GCGR: variants seen among roughly 807,000 people sequenced by gnomAD.
GCGR encodes glucagon receptor.
GCGR carries 41 observed loss-of-function variants against 56.1 expected under a neutral mutation model. That is an observed-to-expected ratio of 0.73 (90% CI 0.57 to 0.95). GCGR has a LOEUF of 0.95. Ranked by LOEUF, GCGR falls within the 40% of genes least tolerant of loss-of-function variation. The pLI, the probability that GCGR is intolerant of heterozygous loss-of-function variation, is 0.00. For synonymous variants in GCGR, 278 were observed against 271.1 expected (o/e 1.03, Z -0.25); for missense variants, 595 against 638.2 (o/e 0.93, Z 0.73).
chr17:81,808,935 A>G lies in GCGR; in HGVS notation c.-84A>G. 1 of 1,489,330 alleles carries G rather than the reference A, an allele frequency of 6.7e-7. No individual in the cohort carries two copies. Among genetic ancestry groups the G allele is most frequent in the Non-Finnish European group, 9.0e-7 (1 of 1,105,760 alleles). 92.3% of individuals were successfully genotyped at this position (1,489,330 alleles called of 1,614,324 possible). ...TGCTCTGCCACTCAGCTGCCCTCGG[A>G]GGAGCGTACACACCCACCAGGACTG... is the stretch of plus-strand genomic sequence containing the variant. On this transcript the variant is annotated 5_prime_UTR_variant, in exon 2 of 14. Transcript: ENST00000400723.
At chr17:81,805,824 C>T (rs1399631079) in intron 1 of GCGR, among the ~76,000 whole-genome samples, 1 of 152,138 alleles carries the variant, frequency 6.6e-6, no homozygotes, top group Non-Finnish European at 1.5e-5. Flanking sequence ...CCAGCTGTGT[C>T]GCCGGAAGGG....
intron 1 of GCGR, among the ~76,000 whole-genome samples, chr17:81,807,383 C>T (rs1450345672): frequency 6.6e-6 from 1 of 152,238 alleles, no homozygotes; most frequent in Non-Finnish European, 1.5e-5. Flanking sequence ...CTGTCCCTGT[C>T]ATTCAGCTGT....
Position 81,811,896 on chromosome 17 carries a change from G to T in GCGR, c.828G>T (p.Met276Ile). 1 of 1,537,178 alleles carries T rather than the reference G, an allele frequency of 6.5e-7. No individual in the cohort carries two copies. The highest frequency in any genetic ancestry group is 2.4e-5 in the East Asian group (1 of 40,918). Residue 276 changes from methionine (M) to isoleucine (I), a missense_variant, in exon 9 of 14, where the codon ATG (methionine) becomes ATT (isoleucine). Met to Ile is a conservative substitution (Grantham distance 10, BLOSUM62 1). Transcript: ENST00000400723. This position sits in a 1 kb window ranked among gnomAD's most constrained non-coding sequence, Gnocchi z 5.8. ...LYLGIGWGAP[M>I]LFVVPWAVVK... Reference sequence around the variant, plus strand: ...TGCTGCCCCCCACAGGTGCCCCCATGCTGTTCGTCGTCCCCTGGGCAGTGG... The same window carrying T: ...TGCTGCCCCCCACAGGTGCCCCCATTCTGTTCGTCGTCCCCTGGGCAGTGG...
At chr17:81,808,805 C>T (rs951910170) in intron 1 of GCGR, 37 bp from the exon 2 acceptor site, 12 of 611,052 alleles carry the variant, frequency 2.0e-5, no homozygotes, top group South Asian at 1.0e-4. Flanking sequence ...AGGCGTGAGC[C>T]GCCGCGCCCG....
Position 81,813,851 on chromosome 17 carries a change from C to T in GCGR, c.*162C>T, listed in dbSNP as rs1486650505. On this transcript the variant is annotated 3_prime_UTR_variant, in exon 14 of 14. Coordinates refer to ENST00000400723, the MANE Select transcript of GCGR (RefSeq NM_000160.5). This position sits in a 1 kb window ranked among gnomAD's most constrained non-coding sequence, Gnocchi z 5.3. The stretch of plus-strand genomic sequence containing the variant: ...GGCTGTCTGCGAGATTGGGCCTCCT[C>T]TCCCTGCACCTGCCTTGTCCCTGGT... 1.5e-6 allele frequency: 1 copy of T among 648,572 alleles called. No homozygotes were observed. 40.2% of individuals were successfully genotyped at this position (648,572 alleles called of 1,614,324 possible). A position where few individuals can be genotyped will look rare whatever the true frequency, so the allele number is the denominator to read the frequency against.
In GCGR at chr17:81,813,277, G is replaced by A. The variant is rs572392356; in HGVS notation, c.1219-197G>A. On this transcript the variant is annotated intron_variant, in intron 13 of 13. Coordinates refer to ENST00000400723, the MANE Select transcript of GCGR (RefSeq NM_000160.5). This position sits in a 1 kb window ranked among gnomAD's most constrained non-coding sequence, Gnocchi z 5.3. Reference sequence around the variant, plus strand: ...CAGCCCCATCGCTACGGTGTCCACCGTGGGGGTCCCCAGGTGTCTGCAGAC... The same window carrying A: ...CAGCCCCATCGCTACGGTGTCCACCATGGGGGTCCCCAGGTGTCTGCAGAC... Among the ~76,000 whole-genome samples, 4 of 152,300 alleles carry A rather than the reference G, an allele frequency of 2.6e-5. No homozygotes were observed. Among genetic ancestry groups the A allele is most frequent in the South Asian group, 4.1e-4 (2 of 4,830 alleles).
Position 81,812,921 on chromosome 17 carries a change from C to T in GCGR, c.1152C>T (p.Phe384=), listed in dbSNP as rs1330140808. The T allele has an allele frequency of 1.7e-5, 26 of 1,536,062 alleles. No individual in the cohort carries two copies. The East Asian group carries it at 1.7e-4, about 10-fold the overall frequency. The change falls in exon 12 of 14, where the codon TTC becomes TTT. Residue 384 remains phenylalanine (F), a synonymous_variant. Coordinates refer to ENST00000400723, the MANE Select transcript of GCGR (RefSeq NM_000160.5). The surrounding 1 kb of genome is among the most constrained non-coding windows in gnomAD (Gnocchi z 8.5). ...QGTLRSAKLF[F]DLFLSSFQGL... ...CCCTGCGCTCCGCCAAGCTCTTCTT[C>T]GACCTCTTCCTCAGCTCCTTCCAGG...
At position 81,813,870 on chromosome 17, in the gene GCGR, C is replaced by G; in HGVS notation, c.*181C>G. 1 of 626,652 alleles carries G rather than the reference C, an allele frequency of 1.6e-6. No individual in the cohort carries two copies. The highest frequency in any genetic ancestry group is 2.8e-6 in the Non-Finnish European group (1 of 360,672). 38.8% of individuals were successfully genotyped at this position (626,652 alleles called of 1,614,324 possible). ...CCTCCTCTCCCTGCACCTGCCTTGT[C>G]CCTGGTGCAGAGGTGAGCAGAGGAG... is the stretch of plus-strand genomic sequence containing the variant. On this transcript the variant is annotated 3_prime_UTR_variant, in exon 14 of 14. Coordinates refer to ENST00000400723, the MANE Select transcript of GCGR (RefSeq NM_000160.5). The surrounding 1 kb of genome is among the most constrained non-coding windows in gnomAD (Gnocchi z 5.3).
In GCGR at chr17:81,811,353, C is replaced by T. The variant is rs376681319; in HGVS notation, c.500+25C>T. ...GGTAGGATTCCGCCAGCGCCCGGGG[C>T]GGCCGCAGAGGACAGGGAGGAGGAC... On this transcript the variant is annotated intron_variant, in intron 6 of 13. Transcript: ENST00000400723. The surrounding 1 kb of genome is among the most constrained non-coding windows in gnomAD (Gnocchi z 5.8). 34 of 1,534,424 alleles carry T rather than the reference C, an allele frequency of 2.2e-5. No homozygotes were observed. The highest frequency in any genetic ancestry group is 2.0e-4 in the East Asian group (8 of 40,874).
chr17:81,809,971 T>C (rs1387264288), intron 3 of GCGR, 87 bp downstream of exon 3: 1 of 1,057,550 alleles, frequency 9.5e-7, no homozygotes, highest in Non-Finnish European at 1.4e-6. Context: ...TGGGTGCTTA[T>C]GCAGCCTTTG....
Position 81,812,003 on chromosome 17 carries a change from T to C in GCGR, c.878+57T>C. 1 of 1,531,144 alleles carries C rather than the reference T, an allele frequency of 6.5e-7. No homozygotes were observed. The highest frequency in any genetic ancestry group is 8.8e-7 in the Non-Finnish European group (1 of 1,142,582). 94.8% of individuals were successfully genotyped at this position (1,531,144 alleles called of 1,614,324 possible). A position where few individuals can be genotyped will look rare whatever the true frequency, so the allele number is the denominator to read the frequency against. Reference sequence around the variant, plus strand: ...GGACCGGGGGGCTGGGGTGCGGCGCTCTGGCCTGAGGCAGGGAGGGGCCGG... The same window carrying C: ...GGACCGGGGGGCTGGGGTGCGGCGCCCTGGCCTGAGGCAGGGAGGGGCCGG... On this transcript the variant is annotated intron_variant, in intron 9 of 13. Coordinates refer to ENST00000400723, the MANE Select transcript of GCGR (RefSeq NM_000160.5). The surrounding 1 kb of genome is among the most constrained non-coding windows in gnomAD (Gnocchi z 8.5).
intron 2 of GCGR, among the ~76,000 whole-genome samples, chr17:81,809,490 TCTGCCTGTCCGTCTGC>T (rs2038041592): frequency 7.5e-6 from 1 of 132,960 alleles, no homozygotes; most frequent in African/African-American, 2.8e-5. Context: ...TGCCTGTCCG[TCTGCCTGTCCGTCTGC>T]CTGCCTGTCT....
chr17:81,805,798 T>C (rs935457458), intron 1 of GCGR, among the ~76,000 whole-genome samples: 2 of 152,138 alleles, frequency 1.3e-5, no homozygotes, highest in African/African-American at 4.8e-5. Context: ...GGGTCCCTGG[T>C]GGGTCGTCCC....
rs1364872456 is a variant in GCGR at position 81,811,278 on chromosome 17, C to T, written c.450C>T (p.Ser150=). Residue 150 remains serine (S), a synonymous_variant, in exon 6 of 14, where the codon AGC becomes AGT. Transcript: ENST00000400723. This position sits in a 1 kb window ranked among gnomAD's most constrained non-coding sequence, Gnocchi z 5.8. ...AGGTGATGTACACAGTGGGCTACAG[C>T]CTGTCCCTGGGGGCCCTGCTCCTCG... The part of the protein sequence containing the change: ...SFQVMYTVGY[S]LSLGALLLAL... 3.9e-6 allele frequency: 6 copies of T among 1,536,190 alleles called. No individual in the cohort carries two copies. Among genetic ancestry groups the T allele is most frequent in the South Asian group, 3.6e-5 (3 of 84,064 alleles).
Position 81,813,686 on chromosome 17 carries a change from C to G in GCGR, c.1431C>G (p.Phe477Leu). 6.5e-7 allele frequency: 1 copy of G among 1,534,592 alleles called. No homozygotes were observed. The highest frequency in any genetic ancestry group is 8.7e-7 in the Non-Finnish European group (1 of 1,146,354). ...TCCCTAGATTGGCTGAGAGCCCCTTCTGAACCCTGCTGGGACCCCAGCTAG... is the reference window on the plus strand; with the variant it reads ...TCCCTAGATTGGCTGAGAGCCCCTTGTGAACCCTGCTGGGACCCCAGCTAG... ...GGLPRLAESP[F>L] The change falls in exon 14 of 14, where the codon TTC (phenylalanine) becomes TTG (leucine). Residue 477 changes from phenylalanine to leucine, a missense_variant. Phe to Leu is a conservative substitution (Grantham distance 22). Transcript: ENST00000400723. The surrounding 1 kb of genome is among the most constrained non-coding windows in gnomAD (Gnocchi z 5.3).
Position 81,811,112 on chromosome 17 carries a change from G to A in GCGR, c.374G>A (p.Gly125Asp). ...GATGCCTCCCAGTGCCAGATGGATGGCGAGGAGATTGAGGTCCAGGTCAGT... is the reference window on the plus strand; with the variant it reads ...GATGCCTCCCAGTGCCAGATGGATGACGAGGAGATTGAGGTCCAGGTCAGT... ...WRDASQCQMDGEEIEVQKEVA... is the reference protein window; with the variant it reads ...WRDASQCQMDDEEIEVQKEVA... The change falls in exon 5 of 14, where the codon GGC (glycine) becomes GAC (aspartate). Residue 125 changes from glycine (G) to aspartate (D), a missense_variant. Transcript: ENST00000400723. This position sits in a 1 kb window ranked among gnomAD's most constrained non-coding sequence, Gnocchi z 5.8. 1.3e-6 allele frequency: 2 copies of A among 1,536,282 alleles called. No homozygotes were observed. Among genetic ancestry groups the A allele is most frequent in the Non-Finnish European group, 1.7e-6 (2 of 1,146,836 alleles).
At position 81,812,887 on chromosome 17, in the gene GCGR, C is replaced by A; in HGVS notation, c.1118C>A (p.Ala373Asp). Residue 373 changes from alanine (A) to aspartate (D), a missense_variant, in exon 12 of 14, where the codon GCC (alanine) becomes GAC (aspartate). Coordinates refer to ENST00000400723, the MANE Select transcript of GCGR (RefSeq NM_000160.5). This position sits in a 1 kb window ranked among gnomAD's most constrained non-coding sequence, Gnocchi z 8.5. ...TTCGCCTTCGTGACGGACGAGCACG[C>A]CCAGGGCACCCTGCGCTCCGCCAAG... The part of the protein sequence containing the change: ...VVFAFVTDEH[A>D]QGTLRSAKLF... 1.3e-6 allele frequency: 2 copies of A among 1,536,116 alleles called. No homozygotes were observed. The highest frequency in any genetic ancestry group is 2.4e-5 in the South Asian group (2 of 84,062).
rs1426361977 is a variant in GCGR at position 81,804,413 on chromosome 17, C to G, written c.-178+164C>G. ...GCGCTCCTCAGTCCCGTCAGACACC[C>G]CCGTTCCCAACCCCGGCTCGGACAC... On this transcript the variant is annotated intron_variant, in intron 1 of 13. Transcript: ENST00000400723. This position sits in a 1 kb window ranked among gnomAD's most constrained non-coding sequence, Gnocchi z 8.2. Among the ~76,000 whole-genome samples the G allele has an allele frequency of 6.6e-6, 1 of 151,916 alleles. No homozygotes were observed. Among genetic ancestry groups the G allele is most frequent in the East Asian group, 1.9e-4 (1 of 5,156 alleles).
At chr17:81,809,577 G>A (rs1203665838) in intron 2 of GCGR, among the ~76,000 whole-genome samples, 1 of 149,732 alleles carries the variant, frequency 6.7e-6, no homozygotes, top group African/African-American at 2.5e-5. Context: ...CTGCCTGTCT[G>A]TCCGTCTGTC....
Sources: gnomAD v4.1 joint callset for allele counts (sites outside exome capture counted in the v4.1 genomes callset) on GRCh38, gnomAD v4.1.1 for gene constraint, Gnocchi (gnomAD v3.1) non-coding constraint, MANE v1.5 for transcripts, NCBI Gene and HGNC (gene_info 2026-07-23, HGNC 2026-07-21) for gene names.